The following ALPK2 variants were observed in gnomAD, a reference collection of about 807,000 sequenced individuals.
ALPK2 encodes the protein alpha-protein kinase 2.
Under a neutral mutation model 163.1 loss-of-function variants are expected in ALPK2, and 127 were observed. The observed-to-expected ratio is 0.78, with a 90% confidence interval of 0.67 to 0.90. The LOEUF (loss-of-function observed/expected upper bound fraction) is 0.90. ALPK2 is among the 40% of genes least tolerant of loss of function. The pLI is 0.00. For missense variants in ALPK2, 2,360 were observed against 2,589.6 expected, an observed-to-expected ratio of 0.91 and a Z score of 1.92; for synonymous variants, 953 against 959.1, an observed-to-expected ratio of 0.99 and a Z score of 0.12.
At chr18:58,511,138 G>A (rs2051488054) in intron 10 of ALPK2, among the ~76,000 whole-genome samples, 2 of 152,186 alleles carry the variant, frequency 1.3e-5, no homozygotes, top group Non-Finnish European at 2.9e-5. Flanking sequence ...CATCTATTGA[G>A]ATAATCATGT....
At chr18:58,524,184 C>T in intron 6 of ALPK2, 122 bp from the exon 7 acceptor site, 2 of 1,326,616 alleles carry the variant, frequency 1.5e-6, no homozygotes, top group Non-Finnish European at 2.0e-6. Context: ...CAGTGAGCTG[C>T]CCAAAGGGCA....
At chr18:58,483,963 C>T (rs751227326) in intron 12 of ALPK2, among the ~76,000 whole-genome samples, 2 of 152,214 alleles carry the variant, frequency 1.3e-5, no homozygotes. Context: ...CTTTGTGGCA[C>T]GGTCACACAC....
At chr18:58,568,039 C>T (rs554126509) in intron 4 of ALPK2, among the ~76,000 whole-genome samples, 2 of 152,326 alleles carry the variant, frequency 1.3e-5, no homozygotes, top group South Asian at 4.1e-4. Context: ...CTCCTGCCAG[C>T]CTGGGCCACC....
intron 1 of ALPK2, among the ~76,000 whole-genome samples, chr18:58,626,266 C>T (rs2052230162): frequency 6.6e-6 from 1 of 152,138 alleles, no homozygotes; most frequent in African/African-American, 2.4e-5. Flanking sequence ...CGTCTGCTCC[C>T]TCCCATCCCT....
In ALPK2 at chr18:58,537,355, CTG is replaced by C; in HGVS notation, c.2830_2831del (p.Gln944AlafsTer5). On this transcript the variant is annotated frameshift_variant, in exon 5 of 13. Transcript: ENST00000361673. LOFTEE classifies it high-confidence loss of function. ...AAGGATTGTTCTCAGAAGAAAGGAG[CTG>C]TGTTTCATCAAGCCCTCCTGAGTTG... Reference protein sequence around the residue: ...PSNSGGLDETQLLSSENNPLV... With the variant: ...PSNSGGLDETXLLSSENNPLV... 1.2e-6 allele frequency: 2 copies of C among 1,613,978 alleles called. No homozygotes were observed. The highest frequency in any genetic ancestry group is 3.3e-5 in the Admixed American group (2 of 60,020).
chr18:58,582,506 T>C (rs754028812), intron 3 of ALPK2, among the ~76,000 whole-genome samples: 21 of 152,036 alleles, frequency 1.4e-4, no homozygotes, highest in Non-Finnish European at 2.9e-4. Context: ...TCAAGCGGAC[T>C]CTTCTCAGAT....
At chr18:58,487,950 A>C (rs1394800896) in intron 12 of ALPK2, among the ~76,000 whole-genome samples, 1 of 152,200 alleles carries the variant, frequency 6.6e-6, no homozygotes, top group African/African-American at 2.4e-5. Context: ...GTCCCTGCGA[A>C]TGACCTCGAG....
chr18:58,535,218 A>C lies in ALPK2; in HGVS notation c.4969T>G (p.Ser1657Ala), dbSNP rs759294779. The C allele has an allele frequency of 1.9e-6, 3 of 1,614,066 alleles. No individual in the cohort carries two copies. The highest frequency in any genetic ancestry group is 2.5e-6 in the Non-Finnish European group (3 of 1,180,004). ...SSSAKTLAFI[S>A]GERELEKAPK... ...GCTTTCTCTAACTCACGTTCTCCTG[A>C]AATAAATGCCAAGGTCTTCGCTGAG... The change falls in exon 5 of 13, where the codon TCA (serine) becomes GCA (alanine). Residue 1657 changes from serine to alanine, a missense_variant. Transcript: ENST00000361673.
At chr18:58,542,842 T>C (rs897915067) in intron 4 of ALPK2, among the ~76,000 whole-genome samples, 1 of 152,086 alleles carries the variant, frequency 6.6e-6, no homozygotes, top group African/African-American at 2.4e-5. Flanking sequence ...GCATGGGTGG[T>C]CACAGGGGCT....
At chr18:58,597,774 C>T (rs2052048219) in intron 3 of ALPK2, among the ~76,000 whole-genome samples, 1 of 152,210 alleles carries the variant, frequency 6.6e-6, no homozygotes, top group African/African-American at 2.4e-5. Flanking sequence ...GAAGCCCTAA[C>T]CCACAATGTG....
chr18:58,627,466 CA>C (rs35734462), intron 1 of ALPK2, among the ~76,000 whole-genome samples: 47,471 of 151,618 alleles, frequency 0.31, 7,498 homozygotes, highest in East Asian at 0.35. Flanking sequence ...ACTAAAAATA[CA>C]AAAAAAATTA....
In ALPK2 at chr18:58,611,820, G is replaced by GAAA. The variant is rs61636682; in HGVS notation, c.-20-6_-20-4dup. On this transcript the variant is annotated splice_region_variant and splice_polypyrimidine_tract_variant and intron_variant, in intron 1 of 12. Coordinates refer to ENST00000361673, the MANE Select transcript of ALPK2 (RefSeq NM_052947.4). ...CATCCTTTCATGCCGCACCAAATCT[G>GAAA]AAAAAAAAAAAAATCCCCGACATCA... 1.1e-5 allele frequency: 12 copies of GAAA among 1,069,000 alleles called. No individual in the cohort carries two copies. The highest frequency in any genetic ancestry group is 1.7e-5 in the South Asian group (1 of 59,852). 66.2% of individuals were successfully genotyped at this position (1,069,000 alleles called of 1,614,324 possible).
chr18:58,520,312 C>G (rs1277308105), intron 8 of ALPK2, among the ~76,000 whole-genome samples: 1 of 151,056 alleles, frequency 6.6e-6, no homozygotes, highest in Non-Finnish European at 1.5e-5. Flanking sequence ...TGCCTGTAAT[C>G]CAACTACTTG....
intron 12 of ALPK2, among the ~76,000 whole-genome samples, chr18:58,483,732 T>A (rs2051323972): frequency 2.0e-5 from 2 of 102,356 alleles, no homozygotes; most frequent in Admixed American, 1.9e-4. Flanking sequence ...TTGTATTTTT[T>A]TTTTTTTTTT....
intron 6 of ALPK2, 75 bp from the exon 7 acceptor site, chr18:58,524,137 A>C: frequency 6.5e-7 from 1 of 1,535,178 alleles, no homozygotes; most frequent in Non-Finnish European, 8.8e-7. Flanking sequence ...ACTTAAGGAG[A>C]AAGAAGCTAA....
At chr18:58,543,392 C>T (rs951652256) in intron 4 of ALPK2, 1 of 985,276 alleles carries the variant, frequency 1.0e-6, no homozygotes. Flanking sequence ...ATGTGTAGAC[C>T]ACACAGGAGC....
chr18:58,626,734 CT>C (rs1288530533), intron 1 of ALPK2, among the ~76,000 whole-genome samples: 2 of 151,994 alleles, frequency 1.3e-5, no homozygotes, highest in Non-Finnish European at 1.5e-5. Context: ...TCTAAAATAT[CT>C]TTTTTTAATT....
intron 4 of ALPK2, among the ~76,000 whole-genome samples, chr18:58,541,371 GC>G (rs372844375): frequency 2.6e-5 from 4 of 152,176 alleles, no homozygotes; most frequent in African/African-American, 9.7e-5. Context: ...AGGAGATGGC[GC>G]TAAGCCATTC....
At chr18:58,572,764 C>A (rs1310946621) in intron 4 of ALPK2, among the ~76,000 whole-genome samples, 1 of 152,090 alleles carries the variant, frequency 6.6e-6, no homozygotes, top group Non-Finnish European at 1.5e-5. Flanking sequence ...TGCAAGGGAT[C>A]TTTGTGGTAA....
Sources: allele counts gnomAD v4.1 joint callset (sites outside exome capture counted in the v4.1 genomes callset), GRCh38; gene constraint gnomAD v4.1.1; transcripts MANE v1.5; gene names NCBI Gene and HGNC (gene_info 2026-07-23, HGNC 2026-07-21).